Variants in APBA2 observed in about 807,000 individuals in gnomAD.
The protein encoded by APBA2 is amyloid beta precursor protein binding family A member 2, also known as amyloid-beta A4 precursor protein-binding family A member 2.
A neutral mutation model predicts 75.0 loss-of-function variants in APBA2; 30 were observed. That is an observed-to-expected ratio of 0.40 (90% CI 0.30 to 0.54). The LOEUF (loss-of-function observed/expected upper bound fraction) is 0.54, where lower values mean the gene tolerates loss of function less well. Among genes scored for constraint, APBA2 ranks in the 20% least tolerant of loss-of-function variants. The pLI is 0.49. For missense variants in APBA2, 801 were observed against 1,016.1 expected (o/e 0.79, Z 2.88); for synonymous variants, 444 against 409.6 (o/e 1.08, Z -1.01).
At chr15:29,057,491 G>T (rs966833131) in intron 4 of APBA2, among the ~76,000 whole-genome samples, 1 of 152,164 alleles carries the variant, frequency 6.6e-6, no homozygotes. Flanking sequence ...ATTCTCCATG[G>T]TCCCTACTAC....
intron 6 of APBA2, among the ~76,000 whole-genome samples, chr15:29,090,300 G>T (rs1180771502): frequency 1.3e-5 from 2 of 152,216 alleles, no homozygotes; most frequent in African/African-American, 4.8e-5. Context: ...CCTGGGATGG[G>T]GCATCCTTCA....
chr15:28,920,070 C>T (rs925811539), intron 1 of APBA2, among the ~76,000 whole-genome samples: 1 of 152,158 alleles, frequency 6.6e-6, no homozygotes, highest in Non-Finnish European at 1.5e-5. Flanking sequence ...GCATCATGTG[C>T]AGTCTATAAA....
At chr15:28,944,267 G>A (rs2035412358) in intron 2 of APBA2, among the ~76,000 whole-genome samples, 2 of 152,274 alleles carry the variant, frequency 1.3e-5, no homozygotes, top group South Asian at 4.1e-4. Flanking sequence ...ATGCAGAAAG[G>A]TGTGCAGGAG....
chr15:28,926,790 T>C (rs1401961072), intron 2 of APBA2, among the ~76,000 whole-genome samples: 1 of 151,968 alleles, frequency 6.6e-6, no homozygotes, highest in Non-Finnish European at 1.5e-5. Context: ...TTTCTGAACA[T>C]AGAATGCTAG....
At chr15:28,986,674 C>T (rs940468674) in intron 2 of APBA2, among the ~76,000 whole-genome samples, 14 of 152,062 alleles carry the variant, frequency 9.2e-5, no homozygotes, top group Non-Finnish European at 1.9e-4. Context: ...ACCATGTTGG[C>T]CAGGCTGGTC....
chr15:29,103,734 C>T (rs2044250279), intron 10 of APBA2, among the ~76,000 whole-genome samples: 1 of 152,242 alleles, frequency 6.6e-6, no homozygotes, highest in Non-Finnish European at 1.5e-5. Context: ...GGAGCCGGGC[C>T]TCCGGGGCTC....
At chr15:29,078,300 AT>A (rs1278140130) in intron 6 of APBA2, among the ~76,000 whole-genome samples, 4 of 151,266 alleles carry the variant, frequency 2.6e-5, no homozygotes, top group Admixed American at 6.6e-5. Context: ...ATCAAAAAAA[AT>A]ATAAAAAAAA....
intron 3 of APBA2, among the ~76,000 whole-genome samples, chr15:29,030,562 C>A (rs2040438056): frequency 6.6e-6 from 1 of 152,122 alleles, no homozygotes. Context: ...GGGGTACATT[C>A]AGAATTGGGA....
In APBA2 at chr15:29,054,340, C is replaced by T. The variant is rs377361968; in HGVS notation, c.456C>T (p.His152=). The change falls in exon 4 of 15, where the codon CAC becomes CAT. Residue 152 remains histidine (H), a synonymous_variant. Coordinates refer to ENST00000683413, the MANE Select transcript of APBA2 (RefSeq NM_001353788.2). The surrounding 1 kb of genome is among the most constrained non-coding windows in gnomAD (Gnocchi z 6.1). ...CGGCGGGCCCGCACCCCCACGGCCACGAGGCTGAAGGCAGCCAGGACTACC... is the reference window on the plus strand; with the variant it reads ...CGGCGGGCCCGCACCCCCACGGCCATGAGGCTGAAGGCAGCCAGGACTACC... ...TDSAGPHPHG[H]EAEGSQDYPD... is the part of the protein sequence containing the mutation. 133 of 1,614,032 alleles carry T rather than the reference C, an allele frequency of 8.2e-5. 1 individual carries two copies. Among genetic ancestry groups the T allele is most frequent in the East Asian group, 3.6e-4 (16 of 44,846 alleles).
At chr15:29,055,151 A>C (rs927354643) in intron 4 of APBA2, among the ~76,000 whole-genome samples, 3 of 152,154 alleles carry the variant, frequency 2.0e-5, no homozygotes, top group African/African-American at 7.2e-5. Flanking sequence ...TGGTCTGCTC[A>C]TGGTGGGGCA....
chr15:28,900,479 C>G (rs2032784797), intron 1 of APBA2, among the ~76,000 whole-genome samples: 1 of 152,230 alleles, frequency 6.6e-6, no homozygotes, highest in African/African-American at 2.4e-5. Flanking sequence ...CAAACTGAAG[C>G]CTCCCTGTGG....
At chr15:29,023,959 A>G (rs894598513) in intron 3 of APBA2, among the ~76,000 whole-genome samples, 2 of 148,880 alleles carry the variant, frequency 1.3e-5, no homozygotes, top group African/African-American at 2.5e-5. Context: ...GCTGGAGTAC[A>G]GTGGCATGAT....
At position 29,041,040 on chromosome 15, in the gene APBA2, G is replaced by A. The variant is rs201161152; in HGVS notation, c.-40-12805G>A. On this transcript the variant is annotated intron_variant, in intron 3 of 14. Coordinates refer to ENST00000683413, the MANE Select transcript of APBA2 (RefSeq NM_001353788.2). The stretch of plus-strand genomic sequence containing the variant: ...CAGCAGGGCAATATGAAAAAAAAAA[G>A]AAAAAAATAGGAATTTTAGAATGAA... Among the ~76,000 whole-genome samples, 258 of 150,888 alleles carry A rather than the reference G, an allele frequency of 1.7e-3. 2 individuals carry two copies. The highest frequency in any genetic ancestry group is 6.8e-3 in the Middle Eastern group (2 of 294).
intron 2 of APBA2, among the ~76,000 whole-genome samples, chr15:28,951,387 T>C (rs1421736989): frequency 3.9e-5 from 6 of 152,160 alleles, no homozygotes; most frequent in Admixed American, 2.0e-4. Context: ...GAATTTTTCC[T>C]ACCCAGTCCT....
intron 8 of APBA2, among the ~76,000 whole-genome samples, chr15:29,094,549 G>C (rs985618894): frequency 6.6e-6 from 1 of 152,220 alleles, no homozygotes; most frequent in Non-Finnish European, 1.5e-5. Context: ...AGCATCTCCT[G>C]TGTACTGTAT....
intron 3 of APBA2, among the ~76,000 whole-genome samples, chr15:29,042,441 G>A (rs2041095035): frequency 6.6e-6 from 1 of 152,110 alleles, no homozygotes; most frequent in African/African-American, 2.4e-5. Context: ...TGTATTTTTA[G>A]TAGAGACAGG....
At chr15:29,094,148 C>T (rs1595947585) in intron 7 of APBA2, 130 bp from the exon 8 acceptor site, 2 of 946,228 alleles carry the variant, frequency 2.1e-6, no homozygotes, top group Non-Finnish European at 3.5e-6. Context: ...TGGCTGTCCA[C>T]CCGTCCCTGC....
chr15:29,102,618 G>A (rs1239067154), intron 10 of APBA2: 1 of 152,296 alleles, frequency 6.6e-6, no homozygotes, highest in Non-Finnish European at 1.5e-5. Context: ...AATTAGCCAA[G>A]CTTGGTGGTG....
chr15:29,037,579 G>A (rs1009511171), intron 3 of APBA2, among the ~76,000 whole-genome samples: 1 of 152,088 alleles, frequency 6.6e-6, no homozygotes, highest in Non-Finnish European at 1.5e-5. Flanking sequence ...GAGAGAGACA[G>A]CCAGAGTTAC....
Sources: allele counts gnomAD v4.1 joint callset (sites outside exome capture counted in the v4.1 genomes callset), GRCh38; gene constraint gnomAD v4.1.1; non-coding constraint Gnocchi (gnomAD v3.1); transcripts MANE v1.5; gene names NCBI Gene and HGNC (gene_info 2026-07-23, HGNC 2026-07-21).